Variants in TNKS observed in about 807,000 individuals in gnomAD.
TNKS encodes the protein tankyrase.
A neutral mutation model predicts 135.8 loss-of-function variants in TNKS; 72 were observed. That is an observed-to-expected ratio of 0.53 (90% CI 0.44 to 0.64). The LOEUF (loss-of-function observed/expected upper bound fraction) is 0.64, where lower values mean the gene tolerates loss of function less well. Ranked by LOEUF, TNKS falls within the 30% of genes least tolerant of loss-of-function variation. The pLI is 0.00. For synonymous variants in TNKS, 849 were observed against 649.3 expected (o/e 1.31, Z -4.68); for missense variants, 1,769 against 1,674.0 (o/e 1.06, Z -0.99).
At chr8:9,648,966 T>G (rs987795759) in intron 3 of TNKS, among the ~76,000 whole-genome samples, 1 of 150,938 alleles carries the variant, frequency 6.6e-6, no homozygotes, top group African/African-American at 2.4e-5. Flanking sequence ...AACAGTGGGA[T>G]AGGTTTAGGG....
At chr8:9,627,468 G>T (rs1163592875) in intron 3 of TNKS, among the ~76,000 whole-genome samples, 1 of 152,088 alleles carries the variant, frequency 6.6e-6, no homozygotes, top group African/African-American at 2.4e-5. Flanking sequence ...CCCTCAACTT[G>T]TGGCATCTAA....
intron 1 of TNKS, chr8:9,566,403 A>G (rs989573624): frequency 3.9e-5 from 6 of 152,104 alleles, no homozygotes; most frequent in Non-Finnish European, 7.4e-5. Flanking sequence ...CTGTTATCCT[A>G]TGTTAATTTA....
At chr8:9,765,228 C>G (rs997191094) in intron 23 of TNKS, among the ~76,000 whole-genome samples, 4 of 152,128 alleles carry the variant, frequency 2.6e-5, no homozygotes, top group Non-Finnish European at 5.9e-5. Flanking sequence ...ACAGATGACT[C>G]AAGCTTTTTA....
intron 14 of TNKS, among the ~76,000 whole-genome samples, chr8:9,732,035 G>T (rs1361243603): frequency 6.6e-6 from 1 of 152,094 alleles, no homozygotes; most frequent in Non-Finnish European, 1.5e-5. Context: ...GGATCCACCC[G>T]CCTCGGCCTC....
intron 26 of TNKS, among the ~76,000 whole-genome samples, chr8:9,774,993 A>G (rs1479154243): frequency 3.3e-5 from 5 of 152,164 alleles, no homozygotes; most frequent in Non-Finnish European, 7.3e-5. Flanking sequence ...GTCTGTCCGC[A>G]TGGTAAGCTC....
At chr8:9,726,556 A>G in intron 12 of TNKS, 85 bp from the exon 13 acceptor site, 4 of 1,003,384 alleles carry the variant, frequency 4.0e-6, no homozygotes, top group South Asian at 4.2e-5. Flanking sequence ...CAATCCCTCA[A>G]GAACCATTTT....
chr8:9,572,282 C>T (rs1797783251), intron 1 of TNKS, among the ~76,000 whole-genome samples: 1 of 152,202 alleles, frequency 6.6e-6, no homozygotes, highest in Non-Finnish European at 1.5e-5. Context: ...AGGTTGACTT[C>T]AGTCAACTGA....
At chr8:9,774,026 G>T (rs1324844713) in intron 26 of TNKS, among the ~76,000 whole-genome samples, 1 of 152,084 alleles carries the variant, frequency 6.6e-6, no homozygotes, top group Admixed American at 6.6e-5. Flanking sequence ...AGTAGTATTC[G>T]TTATTGGTGG....
At position 9,765,675 on chromosome 8, in the gene TNKS, C is replaced by A; in HGVS notation, c.3448-17C>A. ...CACGTTTCACCGATAATGTTTCTTT[C>A]TTCTTCATCCTTAAAGATTCAAAAA... On this transcript the variant is annotated splice_polypyrimidine_tract_variant and intron_variant, in intron 23 of 26. Coordinates refer to ENST00000310430, the MANE Select transcript of TNKS (RefSeq NM_003747.3). 1 of 1,598,088 alleles carries A rather than the reference C, an allele frequency of 6.3e-7. No individual in the cohort carries two copies. Among genetic ancestry groups the A allele is most frequent in the South Asian group, 1.1e-5 (1 of 90,136 alleles).
In TNKS at chr8:9,555,936, G is replaced by C. The variant is rs375949097; in HGVS notation, c.-4G>C. On this transcript the variant is annotated 5_prime_UTR_variant, in exon 1 of 27. Coordinates refer to ENST00000310430, the MANE Select transcript of TNKS (RefSeq NM_003747.3). ...CGCAGTGACAGTGCTAGGGGAGTCC[G>C]AAGATGGCGGCGTCGCGTCGCTCTC... The C allele has an allele frequency of 4.4e-6, 7 of 1,607,960 alleles. No individual in the cohort carries two copies. In the Admixed American group the frequency reaches 6.7e-5, roughly 15 times the overall value.
intron 1 of TNKS, among the ~76,000 whole-genome samples, chr8:9,564,732 G>C (rs1249639418): frequency 2.6e-5 from 4 of 152,156 alleles, no homozygotes; most frequent in South Asian, 2.1e-4. Context: ...CCCTGCTCTT[G>C]AGGCACCTAA....
intron 18 of TNKS, 25 bp downstream of exon 18, chr8:9,748,237 T>G (rs1345261077): frequency 5.6e-6 from 8 of 1,441,214 alleles, no homozygotes; most frequent in Non-Finnish European, 6.4e-6. Context: ...CAGATACTGA[T>G]TATTGTTCCT....
At chr8:9,580,108 C>A in intron 1 of TNKS, 51 bp from the exon 2 acceptor site, 1 of 1,497,932 alleles carries the variant, frequency 6.7e-7, no homozygotes, top group Non-Finnish European at 9.3e-7. Context: ...TCTAATGGTT[C>A]TTTTTACAAA....
At chr8:9,575,599 A>G (rs1469206101) in intron 1 of TNKS, among the ~76,000 whole-genome samples, 10 of 152,378 alleles carry the variant, frequency 6.6e-5, no homozygotes, top group African/African-American at 2.2e-4. Flanking sequence ...GTACAGAAAT[A>G]GGAAAGGTTT....
chr8:9,672,004 C>A (rs1329827225), intron 3 of TNKS, among the ~76,000 whole-genome samples: 3 of 152,216 alleles, frequency 2.0e-5, no homozygotes, highest in Non-Finnish European at 4.4e-5. Flanking sequence ...ATGCTGTCTA[C>A]ACTCTCTGCC....
At chr8:9,747,071 C>CG (rs1312722353) in intron 17 of TNKS, among the ~76,000 whole-genome samples, 3 of 151,548 alleles carry the variant, frequency 2.0e-5, no homozygotes, top group African/African-American at 7.3e-5. Flanking sequence ...TTGGTAGGGA[C>CG]GGGGTTTCAC....
chr8:9,776,436 T>A (rs1200587098), intron 26 of TNKS, among the ~76,000 whole-genome samples: 1 of 152,238 alleles, frequency 6.6e-6, no homozygotes, highest in African/African-American at 2.4e-5. Flanking sequence ...GTATTCGAAG[T>A]AGAAATAACA....
At chr8:9,604,946 C>G (rs900930053) in intron 2 of TNKS, among the ~76,000 whole-genome samples, 1 of 151,884 alleles carries the variant, frequency 6.6e-6, no homozygotes, top group African/African-American at 2.4e-5. Context: ...TTCTCTTTAG[C>G]TGTTTCTAAT....
intron 17 of TNKS, among the ~76,000 whole-genome samples, chr8:9,746,881 CTTTT>C (rs10672387): frequency 8.5e-6 from 1 of 117,186 alleles, no homozygotes; most frequent in East Asian, 2.4e-4. Context: ...CCTACTTAAA[CTTTT>C]TTTTTTTTTT....
Sources: gnomAD v4.1 joint callset for allele counts (sites outside exome capture counted in the v4.1 genomes callset) on GRCh38, gnomAD v4.1.1 for gene constraint, MANE v1.5 for transcripts, NCBI Gene and HGNC (gene_info 2026-07-23, HGNC 2026-07-21) for gene names.